DYNLL1: variants seen among roughly 807,000 people sequenced by gnomAD.
DYNLL1 encodes the protein dynein light chain 1, cytoplasmic.
A neutral mutation model predicts 10.1 loss-of-function variants in DYNLL1; 3 were observed. The ratio of observed to expected loss-of-function variants is 0.30; its 90% confidence interval spans 0.14 to 0.77. DYNLL1 has a LOEUF of 0.77. Among genes scored for constraint, DYNLL1 ranks in the 30% least tolerant of loss-of-function variants. The pLI, the probability that DYNLL1 is intolerant of heterozygous loss-of-function variation, is 0.66. For missense variants in DYNLL1, 47 were observed against 111.7 expected (o/e 0.42, Z 2.61); for synonymous variants, 46 against 41.2 (o/e 1.12, Z -0.45).
At chr12:120,475,785 C>CA (rs35041992) in intron 1 of DYNLL1, among the ~76,000 whole-genome samples, 2 of 152,130 alleles carry the variant, frequency 1.3e-5, no homozygotes, top group Admixed American at 1.3e-4. Flanking sequence ...CCCATTCCCC[C>CA]AAAAAAGGCC....
intron 1 of DYNLL1, among the ~76,000 whole-genome samples, chr12:120,484,324 G>T (rs1392492413): frequency 8.0e-6 from 1 of 125,398 alleles, no homozygotes; most frequent in Non-Finnish European, 1.6e-5. Flanking sequence ...GGCAAGGGAG[G>T]CAGAATGTGT....
intron 2 of DYNLL1, chr12:120,497,774 A>G (rs1038064386): frequency 3.3e-6 from 1 of 305,098 alleles, no homozygotes; most frequent in Middle Eastern, 1.0e-3. Context: ...CCGTCTGTCA[A>G]TGAATATTAT....
At chr12:120,480,815 C>T (rs895776115) in intron 1 of DYNLL1, among the ~76,000 whole-genome samples, 2 of 149,490 alleles carry the variant, frequency 1.3e-5, no homozygotes, top group African/African-American at 4.9e-5. Context: ...AGGCTGGAGT[C>T]GTGGCTCCAT....
chr12:120,496,244 T>C, intron 1 of DYNLL1, 28 bp downstream of exon 1: 1 of 933,824 alleles, frequency 1.1e-6, no homozygotes, highest in East Asian at 2.6e-5. Context: ...CCAGGGGGTG[T>C]CCTCGCTGCC....
chr12:120,480,221 A>G (rs1290090105), intron 1 of DYNLL1, among the ~76,000 whole-genome samples: 1 of 152,220 alleles, frequency 6.6e-6, no homozygotes, highest in Non-Finnish European at 1.5e-5. Context: ...GGGGACCTCA[A>G]TCTGCATCCA....
chr12:120,485,346 T>A (rs532963003), intron 1 of DYNLL1, among the ~76,000 whole-genome samples: 29 of 134,762 alleles, frequency 2.2e-4, no homozygotes, highest in Non-Finnish European at 3.5e-4. Context: ...AACCTCCACC[T>A]CCTAGGTTCA....
At chr12:120,474,262 T>C (rs1290241563) in intron 1 of DYNLL1, among the ~76,000 whole-genome samples, 1 of 152,048 alleles carries the variant, frequency 6.6e-6, no homozygotes, top group Non-Finnish European at 1.5e-5. Context: ...ATTGCACCGC[T>C]GCACTCCAGC....
intron 2 of DYNLL1, 149 bp from the exon 3 acceptor site, chr12:120,497,924 G>A (rs1868509919): frequency 1.4e-6 from 1 of 737,826 alleles, no homozygotes; most frequent in African/African-American, 1.8e-5. Context: ...CTATGTAGGC[G>A]GCTTGGAGCT....
Position 120,480,560 on chromosome 12 carries a change from C to T in DYNLL1, c.-7+10456C>T, listed in dbSNP as rs144148282. ...TCCTCCAGGTCTTTGCATGGGCTGGCTCCTCTCCCTGGACACTGTTTTGCT... is the reference window on the plus strand; with the variant it reads ...TCCTCCAGGTCTTTGCATGGGCTGGTTCCTCTCCCTGGACACTGTTTTGCT... On this transcript the variant is annotated intron_variant, in intron 1 of 2. Transcript: ENST00000392509. Among the ~76,000 whole-genome samples, 8 of 152,274 alleles carry T rather than the reference C, an allele frequency of 5.3e-5. No individual in the cohort carries two copies. The East Asian group carries it at 1.5e-3, about 29-fold the overall frequency.
intron 1 of DYNLL1, among the ~76,000 whole-genome samples, chr12:120,471,468 AT>A (rs1878649878): frequency 6.6e-6 from 1 of 152,218 alleles, no homozygotes; most frequent in South Asian, 2.1e-4. Context: ...CCATCTGAGC[AT>A]TTTAAAATCA....
chr12:120,485,343 A>G (rs1443886527), intron 1 of DYNLL1, among the ~76,000 whole-genome samples: 1 of 129,726 alleles, frequency 7.7e-6, no homozygotes, highest in African/African-American at 3.0e-5. Flanking sequence ...TGCAACCTCC[A>G]CCTCCTAGGT....
intron 2 of DYNLL1, 108 bp from the exon 3 acceptor site, chr12:120,497,965 A>G: frequency 9.2e-7 from 1 of 1,081,692 alleles, no homozygotes; most frequent in Non-Finnish European, 1.3e-6. Context: ...AAGAATTTGC[A>G]GATGCTGACG....
At chr12:120,489,967 C>T (rs1373917727) in intron 1 of DYNLL1, among the ~76,000 whole-genome samples, 5 of 152,182 alleles carry the variant, frequency 3.3e-5, no homozygotes, top group African/African-American at 9.7e-5. Context: ...AGGCTGGTCC[C>T]GAACTCCTGA....
Position 120,496,540 on chromosome 12 carries a change from C to T in DYNLL1, c.119C>T (p.Ala40Val). 6.2e-7 allele frequency: 1 copy of T among 1,614,122 alleles called. No homozygotes were observed. Among genetic ancestry groups the T allele is most frequent in the Non-Finnish European group, 8.5e-7 (1 of 1,180,018 alleles). The change falls in exon 2 of 3, where the codon GCT becomes GTT. Residue 40 changes from alanine (A) to valine (V), a missense_variant. Transcript: ENST00000242577. The part of the protein sequence containing the change: ...EKYNIEKDIA[A>V]HIKKEFDKKY... ...TACAACATAGAGAAGGACATTGCGG[C>T]TCATATCAAGAAGGTGAGGATGGGC... is the stretch of plus-strand genomic sequence containing the variant.
upstream of DYNLL1, chr12:120,495,298 C>G (rs984305406): frequency 4.6e-5 from 7 of 152,316 alleles, no homozygotes; most frequent in African/African-American, 1.7e-4. Context: ...GACTGCCTCA[C>G]CTGAGCAAGA....
chr12:120,478,114 GTTT>G (rs1011773821), intron 1 of DYNLL1, among the ~76,000 whole-genome samples: 8 of 136,666 alleles, frequency 5.9e-5, no homozygotes, highest in African/African-American at 1.1e-4. Context: ...TTTTGTTGTT[GTTT>G]TTTTTTTTGA....
In DYNLL1 at chr12:120,498,177, C is replaced by T. The variant is rs11544057; in HGVS notation, c.237C>T (p.Gly79=). ...ETKHFIYFYL[G]QVAILLFKSG ...AACACTTCATCTACTTCTACCTGGG[C>T]CAAGTGGCCATTCTTCTGTTCAAAT... is the stretch of plus-strand genomic sequence containing the variant. The change falls in exon 3 of 3, where the codon GGC becomes GGT. Residue 79 remains glycine, a synonymous_variant. Coordinates refer to ENST00000242577, the MANE Select transcript of DYNLL1 (RefSeq NM_003746.3). The T allele has an allele frequency of 1.5e-5, 24 of 1,613,944 alleles. No individual in the cohort carries two copies. In the Middle Eastern group the frequency reaches 8.3e-4, roughly 56 times the overall value.
chr12:120,491,074 C>T (rs1016589497), intron 1 of DYNLL1: 1 of 152,356 alleles, frequency 6.6e-6, no homozygotes, highest in Non-Finnish European at 1.5e-5. Flanking sequence ...CAGATGCACA[C>T]CCAAGGCTGC....
chr12:120,478,178 T>C (rs1878798735), intron 1 of DYNLL1, among the ~76,000 whole-genome samples: 1 of 151,770 alleles, frequency 6.6e-6, no homozygotes, highest in Non-Finnish European at 1.5e-5. Context: ...GCACAATCTT[T>C]GCTCACTGCA....
Sources: allele counts gnomAD v4.1 joint callset (sites outside exome capture counted in the v4.1 genomes callset), GRCh38; gene constraint gnomAD v4.1.1; transcripts MANE v1.5; gene names NCBI Gene and HGNC (gene_info 2026-07-23, HGNC 2026-07-21).